FHOD3: variants seen among roughly 807,000 people sequenced by gnomAD.
The protein encoded by FHOD3 is formin homology 2 domain containing 3.
In FHOD3, 90 loss-of-function variants were observed where a neutral mutation model predicts 173.0. The ratio of observed to expected loss-of-function variants is 0.52; its 90% confidence interval spans 0.44 to 0.62. The LOEUF is 0.62. Among genes scored for constraint, FHOD3 ranks in the 20% least tolerant of loss-of-function variants. The pLI is 0.00. For synonymous variants in FHOD3, 828 were observed against 823.0 expected (o/e 1.01, Z -0.10); for missense variants, 1,945 against 2,034.7 (o/e 0.96, Z 0.85).
In FHOD3 at chr18:36,709,087, T is replaced by C. The variant is rs1229350068; in HGVS notation, c.2237-8T>C. The C allele has an allele frequency of 6.2e-7, 1 of 1,610,982 alleles. No individual in the cohort carries two copies. Among genetic ancestry groups the C allele is most frequent in the Admixed American group, 1.7e-5 (1 of 59,930 alleles). ...CGTCAATATAATCTCCATTGTTGTC[T>C]CCACCAGCAAGTGCCGGGGATCCTG... is the stretch of plus-strand genomic sequence containing the variant. On this transcript the variant is annotated splice_region_variant and splice_polypyrimidine_tract_variant and intron_variant, in intron 17 of 28. Transcript: ENST00000590592.
At chr18:36,770,308 A>C (rs1418457647) in intron 28 of FHOD3, among the ~76,000 whole-genome samples, 2 of 152,248 alleles carry the variant, frequency 1.3e-5, no homozygotes, top group African/African-American at 4.8e-5. Flanking sequence ...AAGGAGCATG[A>C]GTCCAGCTAG....
At chr18:36,637,807 C>A (rs2848920) in intron 10 of FHOD3, among the ~76,000 whole-genome samples, 148,811 of 152,204 alleles carry the variant, frequency 0.98, 72,860 homozygotes, top group Non-Finnish European at 1. Context: ...AGGGAGAGGC[C>A]TTACTGCATC....
chr18:36,571,703 A>AT (rs1464243949), intron 5 of FHOD3, among the ~76,000 whole-genome samples: 1 of 152,256 alleles, frequency 6.6e-6, no homozygotes, highest in African/African-American at 2.4e-5. Flanking sequence ...ACCCGTACAA[A>AT]CACAACCAGT....
intron 9 of FHOD3, among the ~76,000 whole-genome samples, chr18:36,625,281 C>T (rs1318722270): frequency 2.0e-5 from 3 of 152,190 alleles, no homozygotes; most frequent in Non-Finnish European, 4.4e-5. Flanking sequence ...CTGCCCGCTT[C>T]GTGTCTGTTT....
At chr18:36,368,770 T>TA (rs2047022188) in intron 2 of FHOD3, among the ~76,000 whole-genome samples, 1 of 152,140 alleles carries the variant, frequency 6.6e-6, no homozygotes, top group Non-Finnish European at 1.5e-5. Context: ...AGGCACATCT[T>TA]ACAGGTGGCA....
chr18:36,767,267 G>A (rs1215220604), intron 27 of FHOD3, among the ~76,000 whole-genome samples: 1 of 151,998 alleles, frequency 6.6e-6, no homozygotes. Flanking sequence ...TGCTCATGCT[G>A]TAGGTATGCT....
chr18:36,693,552 AG>A, intron 17 of FHOD3, 129 bp downstream of exon 17: 8 of 883,012 alleles, frequency 9.1e-6, no homozygotes, highest in South Asian at 3.5e-5. Flanking sequence ...TTGTTGGGGG[AG>A]GGGGGTTGTG....
At chr18:36,633,137 G>A (rs1482745302) in intron 10 of FHOD3, among the ~76,000 whole-genome samples, 1 of 152,198 alleles carries the variant, frequency 6.6e-6, no homozygotes, top group South Asian at 2.1e-4. Flanking sequence ...GCTCACTTGA[G>A]GCAGTTTCCC....
rs771586689 is a variant in FHOD3, at chr18:36,780,033, CTAAA to C, written c.*510_*513del. The stretch of plus-strand genomic sequence containing the variant: ...ATACATGTACACCATGTTTCAAATA[CTAAA>C]TAAATAGAGTTTAATGCCATAATGA... On this transcript the variant is annotated 3_prime_UTR_variant, in exon 29 of 29. Coordinates refer to ENST00000590592, the MANE Select transcript of FHOD3 (RefSeq NM_001281740.3). 72 of 765,068 alleles carry C rather than the reference CTAAA, an allele frequency of 9.4e-5. No homozygotes were observed. The highest frequency in any genetic ancestry group is 1.2e-4 in the Non-Finnish European group (65 of 561,328). The allele number at this position is 765,068 out of a possible 1,614,324, so 47.4% of individuals were successfully genotyped here. A position where few individuals can be genotyped will look rare whatever the true frequency, so the allele number is the denominator to read the frequency against.
chr18:36,652,908 C>A lies in FHOD3; in HGVS notation c.1625C>A (p.Ala542Glu), dbSNP rs2036162205. The change falls in exon 12 of 29, where the codon GCA becomes GAA. Residue 542 changes from alanine to glutamate, a missense_variant. By Grantham distance (107) the Ala-to-Glu change is moderately radical (BLOSUM62 -1). This residue lies in a region of FHOD3 where 1,099 missense variants were observed against 1,051.2 expected (regional missense o/e 1.05). Transcript: ENST00000590592. ...TCCCTGTCCACCAAGGAGAAGGAAG[C>A]AGAGTCCCAGAAGGAAAACAGGTAG... ...DSSLSTKEKEAESQKENSSSD... is the reference protein window; with the variant it reads ...DSSLSTKEKEEESQKENSSSD... 2.0e-6 allele frequency: 3 copies of A among 1,533,640 alleles called. No individual in the cohort carries two copies. Among genetic ancestry groups the A allele is most frequent in the Non-Finnish European group, 2.6e-6 (3 of 1,144,990 alleles).
intron 9 of FHOD3, among the ~76,000 whole-genome samples, chr18:36,618,289 T>G (rs752718886): frequency 1.7e-4 from 26 of 151,274 alleles, no homozygotes; most frequent in Non-Finnish European, 3.4e-4. Flanking sequence ...TACAATCCAT[T>G]TGGTAATGAT....
Position 36,604,989 on chromosome 18 carries a change from G to C in FHOD3, c.813+2221G>C, listed in dbSNP as rs527506922. Among the ~76,000 whole-genome samples, 10 of 152,308 alleles carry C rather than the reference G, an allele frequency of 6.6e-5. No individual in the cohort carries two copies. The South Asian group carries it at 1.9e-3, about 28-fold the overall frequency. On this transcript the variant is annotated intron_variant, in intron 8 of 28. Transcript: ENST00000590592. ...ATGTTTCCCAGGTCACATTGGCAAT[G>C]ATTGCCTTTTAATGAAGTATCATTT... is the stretch of plus-strand genomic sequence containing the variant.
intron 10 of FHOD3, among the ~76,000 whole-genome samples, chr18:36,626,389 A>G (rs1306497302): frequency 6.6e-6 from 1 of 152,200 alleles, no homozygotes; most frequent in Non-Finnish European, 1.5e-5. Context: ...GTAGATAGAA[A>G]AAAATGGAAT....
At chr18:36,644,556 G>C (rs1283883296) in intron 10 of FHOD3, among the ~76,000 whole-genome samples, 1 of 152,168 alleles carries the variant, frequency 6.6e-6, no homozygotes, top group Admixed American at 6.5e-5. Flanking sequence ...GTTCTGCCCT[G>C]CCACTTATGA....
intron 2 of FHOD3, among the ~76,000 whole-genome samples, chr18:36,358,813 TG>T: frequency 6.6e-6 from 1 of 152,242 alleles, no homozygotes; most frequent in African/African-American, 2.4e-5. Context: ...TGTATTTTTT[TG>T]TAGAGACGGG....
At chr18:36,653,948 G>T (rs2036237895) in intron 13 of FHOD3, among the ~76,000 whole-genome samples, 1 of 152,166 alleles carries the variant, frequency 6.6e-6, no homozygotes, top group Non-Finnish European at 1.5e-5. Context: ...GCACAGAAAG[G>T]CTAAGTACCT....
chr18:36,617,600 T>TGC (rs2033322469), intron 9 of FHOD3, among the ~76,000 whole-genome samples: 1 of 116,686 alleles, frequency 8.6e-6, no homozygotes, highest in Non-Finnish European at 1.8e-5. Flanking sequence ...TGTGTGTGTG[T>TGC]GTGTGTGTGT....
chr18:36,401,415 C>G (rs760077377), intron 3 of FHOD3, among the ~76,000 whole-genome samples: 1 of 152,168 alleles, frequency 6.6e-6, no homozygotes, highest in Non-Finnish European at 1.5e-5. Flanking sequence ...TTATGAATTA[C>G]CCAGTCTAAA....
At chr18:36,440,252 G>A (rs545026023) in intron 3 of FHOD3, among the ~76,000 whole-genome samples, 34 of 152,286 alleles carry the variant, frequency 2.2e-4, no homozygotes, top group African/African-American at 7.2e-4. Flanking sequence ...ACTCAAGCTC[G>A]GGCAGCCATC....
Sources: allele counts gnomAD v4.1 joint callset (sites outside exome capture counted in the v4.1 genomes callset), GRCh38; gene constraint gnomAD v4.1.1; regional missense constraint gnomAD v4.1.1; transcripts MANE v1.5; gene names NCBI Gene and HGNC (gene_info 2026-07-23, HGNC 2026-07-21).